KIF13B: variants seen among roughly 807,000 people sequenced by gnomAD.
KIF13B encodes the protein kinesin-like protein KIF13B.
KIF13B carries 127 observed loss-of-function variants against 222.0 expected under a neutral mutation model. The ratio of observed to expected loss-of-function variants is 0.57; its 90% confidence interval spans 0.50 to 0.66. The LOEUF is 0.66. Ranked by LOEUF, KIF13B falls within the 30% of genes least tolerant of loss-of-function variation. The pLI is 0.00. For synonymous variants in KIF13B, 976 were observed against 919.0 expected, an observed-to-expected ratio of 1.06 and a Z score of -1.12; for missense variants, 2,173 against 2,379.0, an observed-to-expected ratio of 0.91 and a Z score of 1.80.
chr8:29,223,172 A>C (rs1421250079), intron 2 of KIF13B, among the ~76,000 whole-genome samples: 1 of 149,728 alleles, frequency 6.7e-6, no homozygotes, highest in Non-Finnish European at 1.5e-5. Context: ...TACAAAAAAA[A>C]AAAAAACAAA....
At chr8:29,156,705 G>C (rs1160483094) in intron 13 of KIF13B, among the ~76,000 whole-genome samples, 1 of 144,796 alleles carries the variant, frequency 6.9e-6, no homozygotes, top group Non-Finnish European at 1.5e-5. Flanking sequence ...TTTTTTTGTA[G>C]AGACAGGGTC....
chr8:29,260,163 A>G (rs2077156213), intron 1 of KIF13B, among the ~76,000 whole-genome samples: 1 of 152,228 alleles, frequency 6.6e-6, no homozygotes, highest in Admixed American at 6.5e-5. Flanking sequence ...ACCCACATAC[A>G]GTTTAGCAGA....
intron 34 of KIF13B, 80 bp downstream of exon 34, chr8:29,109,354 G>T: frequency 2.7e-6 from 3 of 1,099,532 alleles, no homozygotes; most frequent in Non-Finnish European, 4.2e-6. Context: ...GGGGTTTGAC[G>T]GGTGGAGAAG....
chr8:29,093,507 T>C (rs1272865435), intron 36 of KIF13B, among the ~76,000 whole-genome samples: 1 of 152,212 alleles, frequency 6.6e-6, no homozygotes, highest in African/African-American at 2.4e-5. Context: ...TATTAATTTA[T>C]AGTAAAATCT....
intron 2 of KIF13B, among the ~76,000 whole-genome samples, chr8:29,220,629 G>C (rs1409775222): frequency 6.6e-6 from 1 of 151,908 alleles, no homozygotes; most frequent in East Asian, 1.9e-4. Flanking sequence ...AGAGAAGGAC[G>C]AGGAAGCCTA....
chr8:29,209,612 C>G (rs971342724), intron 2 of KIF13B, among the ~76,000 whole-genome samples: 1 of 152,150 alleles, frequency 6.6e-6, no homozygotes, highest in Admixed American at 6.5e-5. Flanking sequence ...CTAAGCATAT[C>G]TGTGTGACAG....
Position 29,140,111 on chromosome 8 carries a change from T to C in KIF13B, c.2565A>G (p.Ala855=), listed in dbSNP as rs1192734688. The part of the protein sequence containing the change: ...GERIAGGDEV[A]EVSFEKETQE... ...GGGTCTCCTTCTCAAAGGAGACCTC[T>C]GCCACCTCATCGCCTCCTGCGATCC... Residue 855 remains alanine (A), a synonymous_variant, in exon 21 of 40, where the codon GCA becomes GCG. Coordinates refer to ENST00000524189, the MANE Select transcript of KIF13B (RefSeq NM_015254.4). 6.2e-7 allele frequency: 1 copy of C among 1,611,620 alleles called. No individual in the cohort carries two copies. Among genetic ancestry groups the C allele is most frequent in the African/African-American group, 1.3e-5 (1 of 75,026 alleles).
intron 12 of KIF13B, among the ~76,000 whole-genome samples, chr8:29,164,600 T>C (rs1481899691): frequency 1.3e-5 from 2 of 152,146 alleles, no homozygotes; most frequent in Non-Finnish European, 2.9e-5. Flanking sequence ...AAGAACAAAC[T>C]AGGGCCAGTG....
intron 2 of KIF13B, among the ~76,000 whole-genome samples, chr8:29,238,989 G>C (rs920809573): frequency 2.0e-5 from 3 of 152,168 alleles, no homozygotes. Context: ...AGTGAGCAGT[G>C]ATCACACCAC....
At chr8:29,112,205 C>T (rs147307939) in intron 32 of KIF13B, among the ~76,000 whole-genome samples, 20 of 152,228 alleles carry the variant, frequency 1.3e-4, no homozygotes, top group Admixed American at 6.5e-4. Flanking sequence ...AATCCCAGCA[C>T]GGGCGGATCA....
chr8:29,109,399 C>T (rs1333422292), intron 34 of KIF13B, 35 bp downstream of exon 34: 2 of 1,520,398 alleles, frequency 1.3e-6, no homozygotes, highest in South Asian at 1.1e-5. Context: ...AGAGAAGTCC[C>T]AGGCACAGCA....
At chr8:29,185,674 C>A (rs1168672061) in intron 6 of KIF13B, among the ~76,000 whole-genome samples, 1 of 152,232 alleles carries the variant, frequency 6.6e-6, no homozygotes, top group Admixed American at 6.5e-5. Context: ...AACTAAATGT[C>A]CTCCTGTTGT....
At chr8:29,122,249 G>A (rs941045651) in intron 29 of KIF13B, among the ~76,000 whole-genome samples, 3 of 152,026 alleles carry the variant, frequency 2.0e-5, no homozygotes, top group African/African-American at 4.8e-5. Context: ...TCAAGACTCT[G>A]TCTCAAAAAA....
At chr8:29,248,089 T>C (rs1359953778) in intron 1 of KIF13B, among the ~76,000 whole-genome samples, 1 of 152,106 alleles carries the variant, frequency 6.6e-6, no homozygotes, top group African/African-American at 2.4e-5. Context: ...CCCTCATACA[T>C]TACTGGTGAG....
chr8:29,173,021 T>A (rs1812315643), intron 10 of KIF13B, among the ~76,000 whole-genome samples: 1 of 151,960 alleles, frequency 6.6e-6, no homozygotes, highest in South Asian at 2.1e-4. Context: ...TTCAAGCCAT[T>A]CTCCTGCCTC....
chr8:29,192,130 T>G (rs1480624631), intron 3 of KIF13B, among the ~76,000 whole-genome samples: 2 of 152,202 alleles, frequency 1.3e-5, no homozygotes, highest in Non-Finnish European at 2.9e-5. Flanking sequence ...TTGGGTCTTC[T>G]CAAGGCCCAA....
chr8:29,166,941 AT>A (rs1306087003), intron 11 of KIF13B, among the ~76,000 whole-genome samples: 3 of 152,210 alleles, frequency 2.0e-5, no homozygotes, highest in Non-Finnish European at 2.9e-5. Flanking sequence ...GAAAAGCTAG[AT>A]TATGAAGGTG....
At chr8:29,078,709 T>C (rs1807677941) in intron 37 of KIF13B, among the ~76,000 whole-genome samples, 1 of 152,250 alleles carries the variant, frequency 6.6e-6, no homozygotes, top group Admixed American at 6.5e-5. Flanking sequence ...AGTATAATTA[T>C]CTACATTTCA....
chr8:29,127,329 A>G lies in KIF13B; in HGVS notation c.3076-61T>C. On this transcript the variant is annotated intron_variant, in intron 24 of 39. Coordinates refer to ENST00000524189, the MANE Select transcript of KIF13B (RefSeq NM_015254.4). ...GTCTTGATTTCCAAAAATTTGATTT[A>G]GAGAGACCCCTACAGGCTGATGTTG... The G allele has an allele frequency of 4.7e-6, 7 of 1,482,884 alleles. No homozygotes were observed. In the South Asian group the frequency reaches 8.4e-5, roughly 18 times the overall value. 91.9% of individuals were successfully genotyped at this position (1,482,884 alleles called of 1,614,324 possible). A position where few individuals can be genotyped will look rare whatever the true frequency, so the allele number is the denominator to read the frequency against.
Sources: allele counts gnomAD v4.1 joint callset (sites outside exome capture counted in the v4.1 genomes callset), GRCh38; gene constraint gnomAD v4.1.1; transcripts MANE v1.5; gene names NCBI Gene and HGNC (gene_info 2026-07-23, HGNC 2026-07-21).